The following BZW2 variants were observed in gnomAD, a reference collection of about 807,000 sequenced individuals.
BZW2 encodes basic leucine zipper and W2 domains 2.
A neutral mutation model predicts 53.2 loss-of-function variants in BZW2; 23 were observed. That is an observed-to-expected ratio of 0.43 (90% CI 0.31 to 0.61). BZW2 has a LOEUF of 0.61. BZW2 is among the 20% of genes least tolerant of loss of function. BZW2 has a pLI of 0.09. For synonymous variants in BZW2, 227 were observed against 186.4 expected (o/e 1.22, Z -1.77); for missense variants, 409 against 503.1 (o/e 0.81, Z 1.79).
In BZW2 at chr7:16,704,528, C is replaced by A; in HGVS notation, c.1109-19C>A. The A allele has an allele frequency of 6.6e-7, 1 of 1,504,426 alleles. No individual in the cohort carries two copies. The highest frequency in any genetic ancestry group is 1.3e-5 in the South Asian group (1 of 74,648). The allele number at this position is 1,504,426 out of a possible 1,614,324, so 93.2% of individuals were successfully genotyped here. A position where few individuals can be genotyped will look rare whatever the true frequency, so the allele number is the denominator to read the frequency against. On this transcript the variant is annotated intron_variant, in intron 10 of 11. Coordinates refer to ENST00000258761, the MANE Select transcript of BZW2 (RefSeq NM_014038.3). Reference sequence around the variant, plus strand: ...GACATTTGTATAGTAACTTTGAAATCTTTGATTTAAAATTGCAGCTGATGT... The same window carrying A: ...GACATTTGTATAGTAACTTTGAAATATTTGATTTAAAATTGCAGCTGATGT...
intron 7 of BZW2, among the ~76,000 whole-genome samples, chr7:16,691,745 G>T (rs893230503): frequency 6.6e-6 from 1 of 152,150 alleles, no homozygotes; most frequent in South Asian, 2.1e-4. Context: ...CAATCTATCC[G>T]GTTATTTCTT....
chr7:16,671,263 G>A (rs900245002), intron 2 of BZW2, among the ~76,000 whole-genome samples: 5 of 151,954 alleles, frequency 3.3e-5, no homozygotes, highest in African/African-American at 1.2e-4. Context: ...AATGTTTAGG[G>A]TTTATATTTT....
chr7:16,670,083 T>G (rs3807480), intron 2 of BZW2, among the ~76,000 whole-genome samples: 67,986 of 152,044 alleles, frequency 0.45, 16,702 homozygotes, highest in African/African-American at 0.68. Context: ...CTTTTGATGG[T>G]CACTTTGTTT....
At chr7:16,670,020 C>T (rs1351218108) in intron 2 of BZW2, among the ~76,000 whole-genome samples, 1 of 152,198 alleles carries the variant, frequency 6.6e-6, no homozygotes, top group Non-Finnish European at 1.5e-5. Flanking sequence ...TGTCTTGTTT[C>T]TCAAGTTTTC....
chr7:16,652,020 A>G (rs139974648), intron 1 of BZW2, among the ~76,000 whole-genome samples: 6 of 152,318 alleles, frequency 3.9e-5, no homozygotes, highest in Admixed American at 2.0e-4. Context: ...CACTGAGTGG[A>G]GACAGTGGAT....
At chr7:16,696,275 C>A (rs973386041) in intron 8 of BZW2, among the ~76,000 whole-genome samples, 7 of 152,116 alleles carry the variant, frequency 4.6e-5, no homozygotes, top group Non-Finnish European at 1.0e-4. Flanking sequence ...AAATTTTAGG[C>A]AAGCCTATAT....
intron 1 of BZW2, among the ~76,000 whole-genome samples, chr7:16,663,761 T>G (rs1404963646): frequency 1.3e-5 from 2 of 152,194 alleles, no homozygotes; most frequent in African/African-American, 4.8e-5. Context: ...CATGTTATAT[T>G]GAATGTTTGG....
At position 16,706,291 on chromosome 7, in the gene BZW2, G is replaced by A. The variant is rs1783856521; in HGVS notation, c.*203G>A. 3.5e-6 allele frequency: 2 copies of A among 566,220 alleles called. No homozygotes were observed. Among genetic ancestry groups the A allele is most frequent in the Non-Finnish European group, 6.2e-6 (2 of 322,400 alleles). 35.1% of individuals were successfully genotyped at this position (566,220 alleles called of 1,614,324 possible). On this transcript the variant is annotated 3_prime_UTR_variant, in exon 12 of 12. Transcript: ENST00000258761. ...CTGAGGCATCAGCTATTATACTTGG[G>A]ACTCTACCTCTCACTCACTATATGC...
intron 1 of BZW2, among the ~76,000 whole-genome samples, chr7:16,647,665 G>A (rs1292413112): frequency 1.3e-5 from 2 of 152,186 alleles, no homozygotes; most frequent in Non-Finnish European, 2.9e-5. Flanking sequence ...GTTCAAGCAA[G>A]TAGTAAGGCT....
intron 1 of BZW2, among the ~76,000 whole-genome samples, chr7:16,664,494 G>A (rs1782360830): frequency 6.6e-6 from 1 of 152,170 alleles, no homozygotes; most frequent in African/African-American, 2.4e-5. Context: ...AGCCTCAGAA[G>A]CCAGACCTTA....
At chr7:16,658,603 G>A (rs1489043525) in intron 1 of BZW2, among the ~76,000 whole-genome samples, 2 of 152,046 alleles carry the variant, frequency 1.3e-5, no homozygotes, top group Non-Finnish European at 2.9e-5. Flanking sequence ...TCGGCCAGGC[G>A]CAGTGGCTTA....
chr7:16,654,073 C>T (rs1310531249), intron 1 of BZW2, among the ~76,000 whole-genome samples: 1 of 81,088 alleles, frequency 1.2e-5, no homozygotes, highest in Non-Finnish European at 2.2e-5. Context: ...ATGGCAAAAC[C>T]CCATCTCTAC....
At chr7:16,678,598 C>G (rs77354325) in intron 3 of BZW2, among the ~76,000 whole-genome samples, 2 of 152,140 alleles carry the variant, frequency 1.3e-5, no homozygotes, top group Non-Finnish European at 2.9e-5. Context: ...TCTCAAAAGT[C>G]TGTAGTTTCA....
At chr7:16,694,578 C>T (rs542780451) in intron 7 of BZW2, among the ~76,000 whole-genome samples, 70 of 152,298 alleles carry the variant, frequency 4.6e-4, no homozygotes, top group Non-Finnish European at 9.1e-4. Context: ...TTAAAAGCCT[C>T]ATCTCTCAGT....
chr7:16,687,425 A>G (rs1394215443), intron 6 of BZW2: 9 of 152,198 alleles, frequency 5.9e-5, no homozygotes, highest in Admixed American at 5.9e-4. Context: ...TTGGAAAAGG[A>G]TTAAGAAAAT....
At chr7:16,666,275 T>G (rs1782423605) in intron 2 of BZW2, among the ~76,000 whole-genome samples, 1 of 151,406 alleles carries the variant, frequency 6.6e-6, no homozygotes, top group African/African-American at 2.4e-5. Flanking sequence ...TTAAAAAAAT[T>G]TTTTTGTAGA....
At chr7:16,654,083 C>CAAAAAAAAAA (rs61590306) in intron 1 of BZW2, among the ~76,000 whole-genome samples, 8 of 82,538 alleles carry the variant, frequency 9.7e-5, no homozygotes, top group Non-Finnish European at 9.0e-5. Context: ...CCCATCTCTA[C>CAAAAAAAAAA]AAAAAAAAAA....
intron 6 of BZW2, chr7:16,686,297 C>T: frequency 2.4e-6 from 1 of 409,848 alleles, no homozygotes; most frequent in Non-Finnish European, 4.3e-6. Context: ...ATTAAAATCT[C>T]ATGGAAGACT....
intron 8 of BZW2, 118 bp from the exon 9 acceptor site, chr7:16,696,797 G>A: frequency 1.0e-6 from 1 of 986,108 alleles, no homozygotes; most frequent in Non-Finnish European, 1.5e-6. Flanking sequence ...AAGGAAAGGA[G>A]AAGCTAAGCA....
Sources: allele counts gnomAD v4.1 joint callset (sites outside exome capture counted in the v4.1 genomes callset), GRCh38; gene constraint gnomAD v4.1.1; transcripts MANE v1.5; gene names NCBI Gene and HGNC (gene_info 2026-07-23, HGNC 2026-07-21).